Variants in TET1 observed in about 807,000 individuals in gnomAD.
TET1 encodes tet methylcytosine dioxygenase 1.
Under a neutral mutation model 148.7 loss-of-function variants are expected in TET1, and 13 were observed. The ratio of observed to expected loss-of-function variants is 0.09; its 90% CI spans 0.06 to 0.14. The LOEUF is 0.14. TET1 is among the 10% of genes least tolerant of loss of function. The pLI is 1.00. For synonymous variants in TET1, 907 were observed against 937.2 expected, an observed-to-expected ratio of 0.97 and a Z score of 0.59; for missense variants, 2,182 against 2,553.8, an observed-to-expected ratio of 0.85 and a Z score of 3.14.
intron 3 of TET1, among the ~76,000 whole-genome samples, chr10:68,628,246 C>T (rs185168180): frequency 2.8e-4 from 42 of 152,204 alleles, no homozygotes; most frequent in African/African-American, 8.9e-4. Flanking sequence ...TGCCCCCGGC[C>T]GAAATGACAG....
At chr10:68,606,709 G>T (rs1256433932) in intron 3 of TET1, among the ~76,000 whole-genome samples, 1 of 152,174 alleles carries the variant, frequency 6.6e-6, no homozygotes, top group Admixed American at 6.6e-5. Flanking sequence ...ATCAGAGTGG[G>T]TGTTGAAAAT....
At chr10:68,631,433 C>CTTTTTTTTTTTTTTTTTTTTTTTTT (rs546257824) in intron 3 of TET1, among the ~76,000 whole-genome samples, 1 of 110,588 alleles carries the variant, frequency 9.0e-6, no homozygotes. Flanking sequence ...TTTCTTTCTT[C>CTTTTTTTTTTTTTTTTTTTTTTTTT]TTTTTTTTTT....
intron 6 of TET1, among the ~76,000 whole-genome samples, chr10:68,657,297 C>T (rs2055038074): frequency 6.6e-6 from 1 of 152,098 alleles, no homozygotes; most frequent in Non-Finnish European, 1.5e-5. Context: ...CTGCCTCAGC[C>T]TCCCGAGTAG....
chr10:68,564,944 G>A (rs536083033), intron 1 of TET1, among the ~76,000 whole-genome samples: 1 of 152,274 alleles, frequency 6.6e-6, no homozygotes, highest in East Asian at 1.9e-4. Context: ...GATCACTTGA[G>A]TCTAGGAGTT....
chr10:68,624,625 TTTCTTTCTTTCTTTC>T (rs1403339011), intron 3 of TET1, among the ~76,000 whole-genome samples: 3 of 36,574 alleles, frequency 8.2e-5, no homozygotes, highest in African/African-American at 5.3e-4. Context: ...TCTTTCTTTC[TTTCTTTCTTTCTTTC>T]TTTCTTTCTT....
Position 68,667,046 on chromosome 10 carries a change from T to C in TET1, c.4463T>C (p.Val1488Ala). ...SSHGCPIAKW[V>A]LRRSSDEEKV... ...GATGAATGTATTCTGTTTTTTCAGG[T>C]TTTAAGAAGAAGCAGTGATGAAGAA... Residue 1488 changes from valine to alanine, a missense_variant and splice_region_variant, in exon 7 of 12, where the codon GTT (valine) becomes GCT (alanine). By Grantham distance (64) the Val-to-Ala change is moderately conservative (BLOSUM62 0). Transcript: ENST00000373644. 3 of 1,612,960 alleles carry C rather than the reference T, an allele frequency of 1.9e-6. No homozygotes were observed. Among genetic ancestry groups the C allele is most frequent in the Non-Finnish European group, 2.5e-6 (3 of 1,179,420 alleles).
At chr10:68,627,628 G>A (rs930795146) in intron 3 of TET1, among the ~76,000 whole-genome samples, 1 of 151,078 alleles carries the variant, frequency 6.6e-6, no homozygotes, top group Admixed American at 6.6e-5. Flanking sequence ...CAATCACCAT[G>A]CAGTTAAGAA....
At chr10:68,689,210 A>G (rs1374459239) in intron 11 of TET1, among the ~76,000 whole-genome samples, 1 of 152,174 alleles carries the variant, frequency 6.6e-6, no homozygotes, top group African/African-American at 2.4e-5. Context: ...GGTCTTATGT[A>G]TGCGTTATCT....
At position 68,686,416 on chromosome 10, in the gene TET1, C is replaced by T. The variant is rs138726459; in HGVS notation, c.5113C>T (p.Leu1705Phe). 19 of 1,613,954 alleles carry T rather than the reference C, an allele frequency of 1.2e-5. No individual in the cohort carries two copies. Among genetic ancestry groups the T allele is most frequent in the Non-Finnish European group, 1.6e-5 (19 of 1,180,022 alleles). The stretch of plus-strand genomic sequence containing the variant: ...GGGTGTTATTCCTCAAGATGAGCAG[C>T]TCCATGTGCTACCTCTTTATAAGCT... Reference protein sequence around the residue: ...SLGVIPQDEQLHVLPLYKLSD... With the variant: ...SLGVIPQDEQFHVLPLYKLSD... The change falls in exon 11 of 12, where the codon CTC (leucine) becomes TTC (phenylalanine). Residue 1705 changes from leucine to phenylalanine, a missense_variant. Leu to Phe is a conservative substitution (Grantham distance 22). Around this residue, in one of 11 missense-constraint regions of TET1, gnomAD observed 380 missense variants for 387.9 expected, o/e 0.98. Coordinates refer to ENST00000373644, the MANE Select transcript of TET1 (RefSeq NM_030625.3).
intron 2 of TET1, among the ~76,000 whole-genome samples, chr10:68,596,202 G>A (rs1352532369): frequency 1.3e-5 from 2 of 150,882 alleles, no homozygotes; most frequent in East Asian, 1.9e-4. Context: ...ACCATGCCCA[G>A]CGGAAGACAT....
intron 10 of TET1, among the ~76,000 whole-genome samples, chr10:68,685,640 G>A (rs1589135005): frequency 6.6e-6 from 1 of 152,060 alleles, no homozygotes; most frequent in African/African-American, 2.4e-5. Flanking sequence ...TCACTATAGT[G>A]CCTATAGTTC....
chr10:68,682,856 C>A lies in TET1; in HGVS notation c.4935C>A (p.Ala1645=), dbSNP rs766122641. ...TCTAGGTGGAATATGAAAATGTTGC[C>A]CGAGAATGTCGGCTTGGCAGCAAGG... is the stretch of plus-strand genomic sequence containing the variant. The part of the protein sequence containing the change: ...YQNQVEYENV[A]RECRLGSKEG... Residue 1645 remains alanine (A), a synonymous_variant, in exon 10 of 12, where the codon GCC becomes GCA. Coordinates refer to ENST00000373644, the MANE Select transcript of TET1 (RefSeq NM_030625.3). 5.0e-6 allele frequency: 8 copies of A among 1,613,132 alleles called. No individual in the cohort carries two copies. Among genetic ancestry groups the A allele is most frequent in the Non-Finnish European group, 6.8e-6 (8 of 1,179,816 alleles).
chr10:68,649,562 C>T (rs951023860), intron 4 of TET1, among the ~76,000 whole-genome samples: 22 of 148,212 alleles, frequency 1.5e-4, no homozygotes, highest in South Asian at 4.2e-4. Context: ...GCCGAGATCA[C>T]GCCACTGCAC....
chr10:68,570,398 C>T (rs1211526353), intron 1 of TET1, among the ~76,000 whole-genome samples: 1 of 152,090 alleles, frequency 6.6e-6, no homozygotes, highest in Middle Eastern at 3.2e-3. Flanking sequence ...AGCCACCGCG[C>T]CCAGCCAGTA....
chr10:68,632,492 C>T, intron 3 of TET1: 1 of 1,612,818 alleles, frequency 6.2e-7, no homozygotes, highest in Non-Finnish European at 8.5e-7. Flanking sequence ...TCATTAGGAT[C>T]TGTTGTGGCT....
intron 2 of TET1, among the ~76,000 whole-genome samples, chr10:68,575,106 T>G (rs1027733531): frequency 6.6e-6 from 1 of 152,188 alleles, no homozygotes; most frequent in Non-Finnish European, 1.5e-5. Context: ...ATTGTAGGCC[T>G]GGTGTGGTGG....
intron 3 of TET1, among the ~76,000 whole-genome samples, chr10:68,613,545 T>A (rs2054246678): frequency 6.6e-6 from 1 of 152,086 alleles, no homozygotes; most frequent in African/African-American, 2.4e-5. Context: ...TTTCAGGGAA[T>A]GAAGATAAAA....
At chr10:68,655,387 TC>T (rs1002964504) in intron 6 of TET1, among the ~76,000 whole-genome samples, 3 of 152,244 alleles carry the variant, frequency 2.0e-5, no homozygotes, top group African/African-American at 7.2e-5. Flanking sequence ...CACAATTGGT[TC>T]CCAATATCTG....
intron 2 of TET1, among the ~76,000 whole-genome samples, chr10:68,597,904 T>TAA (rs2054006413): frequency 6.6e-6 from 1 of 152,082 alleles, no homozygotes. Flanking sequence ...AGGAGGTACT[T>TAA]AGAGTAGTCC....
Sources: allele counts gnomAD v4.1 joint callset (sites outside exome capture counted in the v4.1 genomes callset), GRCh38; gene constraint gnomAD v4.1.1; regional missense constraint gnomAD v4.1.1; transcripts MANE v1.5; gene names NCBI Gene and HGNC (gene_info 2026-07-23, HGNC 2026-07-21).